Variants in MRPL1 observed in about 807,000 individuals in gnomAD.
The protein encoded by MRPL1 is mitochondrial ribosomal protein L1, also known as large ribosomal subunit protein uL1m.
Under a neutral mutation model 38.0 loss-of-function variants are expected in MRPL1, and 28 were observed. The ratio of observed to expected loss-of-function variants is 0.74; its 90% CI spans 0.55 to 1.01. The LOEUF (loss-of-function observed/expected upper bound fraction) is 1.01, where lower values mean the gene tolerates loss of function less well. Among genes scored for constraint, MRPL1 ranks in the 50% least tolerant of loss-of-function variants. The probability of loss-of-function intolerance (pLI) is 0.00; values close to 1 mark genes in which losing one functional copy is unlikely to be tolerated. For missense variants in MRPL1, 358 were observed against 389.8 expected, an observed-to-expected ratio of 0.92 and a Z score of 0.69; for synonymous variants, 123 against 126.7, an observed-to-expected ratio of 0.97 and a Z score of 0.20.
chr4:77,949,762 TCATCATTA>T, intron 7 of MRPL1, 27 bp from the exon 8 acceptor site: 1 of 1,326,886 alleles, frequency 7.5e-7, no homozygotes, highest in Non-Finnish European at 1.1e-6. Flanking sequence ...TCTTGCTTTC[TCATCATTA>T]ATGTTATGTA....
intron 1 of MRPL1, among the ~76,000 whole-genome samples, chr4:77,866,074 T>C (rs1326049222): frequency 1.3e-5 from 2 of 152,132 alleles, no homozygotes; most frequent in African/African-American, 2.4e-5. Context: ...TTTTCTGAGA[T>C]GGAGTCTTGC....
Position 77,887,284 on chromosome 4 carries a change from T to A in MRPL1, c.551T>A (p.Ile184Lys). ...GCATTTGCAGGAGGCACTAGTCTGA[T>A]ACAGAAGGTACAGTGTTGTTTTCAT... ...GAAFAGGTSL[I>K]QKIWDDEIVA... is the part of the protein sequence containing the mutation. Residue 184 changes from isoleucine (I) to lysine (K), a missense_variant, in exon 5 of 9, where the codon ATA (isoleucine) becomes AAA (lysine). Coordinates refer to ENST00000315567, the MANE Select transcript of MRPL1 (RefSeq NM_020236.4). 6.2e-7 allele frequency: 1 copy of A among 1,612,572 alleles called. No individual in the cohort carries two copies. The highest frequency in any genetic ancestry group is 1.1e-5 in the South Asian group (1 of 91,058).
chr4:77,949,443 A>C (rs996744709), intron 7 of MRPL1, among the ~76,000 whole-genome samples: 5 of 152,190 alleles, frequency 3.3e-5, no homozygotes, highest in African/African-American at 1.2e-4. Context: ...GTTTCCTTTA[A>C]ATCAACAAAC....
At chr4:77,927,101 T>A (rs1386023152) in intron 7 of MRPL1, among the ~76,000 whole-genome samples, 1 of 152,160 alleles carries the variant, frequency 6.6e-6, no homozygotes, top group Non-Finnish European at 1.5e-5. Flanking sequence ...TACTTACATG[T>A]CAGAAAGACA....
chr4:77,866,750 T>A (rs73827445), intron 1 of MRPL1, among the ~76,000 whole-genome samples: 1 of 141,826 alleles, frequency 7.1e-6, no homozygotes, highest in East Asian at 2.2e-4. Flanking sequence ...ATCACCCCCC[T>A]TTTTTTTTTT....
intron 7 of MRPL1, among the ~76,000 whole-genome samples, chr4:77,926,909 T>C (rs1039175062): frequency 1.3e-5 from 2 of 152,128 alleles, no homozygotes; most frequent in African/African-American, 2.4e-5. Context: ...TCATCTGGCC[T>C]ATAACTTGTT....
chr4:77,896,439 T>G (rs1017144361), intron 6 of MRPL1, among the ~76,000 whole-genome samples: 22 of 152,306 alleles, frequency 1.4e-4, no homozygotes, highest in African/African-American at 4.8e-4. Context: ...CAACATGATC[T>G]ATTTAATGGC....
chr4:77,932,971 G>C (rs1736881559), intron 7 of MRPL1, among the ~76,000 whole-genome samples: 1 of 151,922 alleles, frequency 6.6e-6, no homozygotes, highest in Admixed American at 6.6e-5. Flanking sequence ...AATTTTGTTT[G>C]CGACAGGTCT....
chr4:77,895,425 A>G (rs1343882262), intron 6 of MRPL1, among the ~76,000 whole-genome samples: 2 of 152,106 alleles, frequency 1.3e-5, no homozygotes, highest in African/African-American at 4.8e-5. Flanking sequence ...AACTCTCCTA[A>G]TAAGTGTTAT....
intron 3 of MRPL1, 75 bp downstream of exon 3, chr4:77,883,575 A>G (rs1426134334): frequency 1.1e-5 from 15 of 1,361,540 alleles, no homozygotes; most frequent in Non-Finnish European, 1.4e-5. Context: ...ATTTTATTTT[A>G]TTGTTATTAT....
intron 7 of MRPL1, among the ~76,000 whole-genome samples, chr4:77,911,933 T>C (rs906826023): frequency 5.7e-4 from 87 of 152,294 alleles, no homozygotes; most frequent in African/African-American, 1.7e-3. Context: ...AAGGTTAGTT[T>C]AACATTCAAC....
At chr4:77,936,807 C>T (rs140463899) in intron 7 of MRPL1, among the ~76,000 whole-genome samples, 6 of 152,148 alleles carry the variant, frequency 3.9e-5, no homozygotes, top group Admixed American at 2.0e-4. Context: ...TGTCTATGTA[C>T]GAATGTGGCA....
At chr4:77,866,461 T>G (rs945871193) in intron 1 of MRPL1, among the ~76,000 whole-genome samples, 1 of 152,238 alleles carries the variant, frequency 6.6e-6, no homozygotes, top group Non-Finnish European at 1.5e-5. Flanking sequence ...AATTTTAAAT[T>G]GTACATGTGG....
At chr4:77,925,032 C>T (rs1308725919) in intron 7 of MRPL1, among the ~76,000 whole-genome samples, 1 of 152,162 alleles carries the variant, frequency 6.6e-6, no homozygotes, top group African/African-American at 2.4e-5. Context: ...ATATACTACT[C>T]ATCACCTAGA....
intron 7 of MRPL1, among the ~76,000 whole-genome samples, chr4:77,914,390 T>C (rs2110250461): frequency 6.6e-6 from 1 of 152,284 alleles, no homozygotes; most frequent in East Asian, 1.9e-4. Flanking sequence ...ATGGTGATGG[T>C]TGCACAACTC....
At chr4:77,951,416 G>A (rs1737404451) in intron 8 of MRPL1, among the ~76,000 whole-genome samples, 1 of 152,220 alleles carries the variant, frequency 6.6e-6, no homozygotes, top group African/African-American at 2.4e-5. Flanking sequence ...ATTAGTGAGT[G>A]TGTGTAGTTT....
At chr4:77,899,742 T>C (rs902425119) in intron 6 of MRPL1, among the ~76,000 whole-genome samples, 2 of 151,540 alleles carry the variant, frequency 1.3e-5, no homozygotes, top group African/African-American at 2.4e-5. Context: ...ATTATGGAAA[T>C]TGAATAGAGA....
chr4:77,915,833 C>T (rs1220755740), intron 7 of MRPL1, among the ~76,000 whole-genome samples: 2 of 152,140 alleles, frequency 1.3e-5, no homozygotes, highest in African/African-American at 2.4e-5. Flanking sequence ...TAAGATGATA[C>T]GTTGAACATC....
intron 7 of MRPL1, among the ~76,000 whole-genome samples, chr4:77,913,397 T>C (rs1257698095): frequency 6.6e-6 from 1 of 152,144 alleles, no homozygotes; most frequent in Non-Finnish European, 1.5e-5. Flanking sequence ...CATGGAAAGA[T>C]GCTCAGCATC....
Sources: gnomAD v4.1 joint callset for allele counts (sites outside exome capture counted in the v4.1 genomes callset) on GRCh38, gnomAD v4.1.1 for gene constraint, MANE v1.5 for transcripts, NCBI Gene and HGNC (gene_info 2026-07-23, HGNC 2026-07-21) for gene names.